The following PLCB4 variants were observed in gnomAD, a reference collection of about 807,000 sequenced individuals.
PLCB4 encodes the protein 1-phosphatidylinositol 4,5-bisphosphate phosphodiesterase beta-4.
A neutral mutation model predicts 178.8 loss-of-function variants in PLCB4; 77 were observed. That is an observed-to-expected ratio of 0.43 (90% CI 0.36 to 0.52). The LOEUF is 0.52. Among genes scored for constraint, PLCB4 ranks in the 20% least tolerant of loss-of-function variants. PLCB4 has a pLI of 0.00. For synonymous variants in PLCB4, 496 were observed against 490.8 expected (o/e 1.01, Z -0.14); for missense variants, 1,024 against 1,453.4 (o/e 0.70, Z 4.80).
At chr20:9,238,429 T>A (rs1321625424) in intron 3 of PLCB4, among the ~76,000 whole-genome samples, 1 of 152,116 alleles carries the variant, frequency 6.6e-6, no homozygotes, top group East Asian at 1.9e-4. Flanking sequence ...GGACACCTTA[T>A]CCATATGTGG....
At position 9,478,985 on chromosome 20, in the gene PLCB4, T is replaced by C; in HGVS notation, c.3597T>C (p.Ser1199=). ...ATGGACCGCAGACCAGCAACAGTAG[T>C]ATGAAACTCCAAAATGCAAACTGAA... ...SRDGPQTSNS[S]MKLQNAN Residue 1199 remains serine, a synonymous_variant, in exon 40 of 40, where the codon AGT becomes AGC. Coordinates refer to ENST00000378473, the MANE Select transcript of PLCB4 (RefSeq NM_001377142.1). 2 of 1,613,332 alleles carry C rather than the reference T, an allele frequency of 1.2e-6. No homozygotes were observed. The highest frequency in any genetic ancestry group is 1.7e-6 in the Non-Finnish European group (2 of 1,179,448).
chr20:9,252,477 T>C, intron 3 of PLCB4, among the ~76,000 whole-genome samples: 1 of 152,252 alleles, frequency 6.6e-6, no homozygotes, highest in East Asian at 1.9e-4. Flanking sequence ...TAGAAAATAC[T>C]GTTGCCTGCA....
chr20:9,430,676 C>T (rs944751928), intron 28 of PLCB4, among the ~76,000 whole-genome samples: 4 of 152,206 alleles, frequency 2.6e-5, no homozygotes, highest in Non-Finnish European at 4.4e-5. Context: ...CTACATAATC[C>T]GATAGCAGAT....
intron 9 of PLCB4, among the ~76,000 whole-genome samples, chr20:9,367,191 C>G (rs114037799): frequency 6.6e-6 from 1 of 152,192 alleles, no homozygotes; most frequent in Admixed American, 6.5e-5. Context: ...TAAACAATCA[C>G]GACCTAAAGT....
rs540606178 is a variant in PLCB4, at chr20:9,115,494, T to C, written c.-79+19152T>C. ...GCACAATGTGCAGGTTTGTTACATATGTATACATGTGCCATGTTGTTGTGC... is the reference window on the plus strand; with the variant it reads ...GCACAATGTGCAGGTTTGTTACATACGTATACATGTGCCATGTTGTTGTGC... On this transcript the variant is annotated intron_variant, in intron 2 of 39. Coordinates refer to ENST00000378473, the MANE Select transcript of PLCB4 (RefSeq NM_001377142.1). Among the ~76,000 whole-genome samples the C allele has an allele frequency of 4.6e-5, 7 of 151,604 alleles. No homozygotes were observed. In the East Asian group the frequency reaches 1.4e-3, roughly 30 times the overall value.
chr20:9,112,247 T>A, intron 2 of PLCB4, among the ~76,000 whole-genome samples: 1 of 151,266 alleles, frequency 6.6e-6, no homozygotes, highest in Non-Finnish European at 1.5e-5. Flanking sequence ...TTGAAACAAA[T>A]ACCCTACTCT....
intron 2 of PLCB4, among the ~76,000 whole-genome samples, chr20:9,169,755 T>C (rs2093033869): frequency 6.6e-6 from 1 of 152,108 alleles, no homozygotes; most frequent in Non-Finnish European, 1.5e-5. Context: ...ACAACATTGT[T>C]TGTGAAAATT....
At chr20:9,092,009 A>G (rs2090706848) in intron 1 of PLCB4, among the ~76,000 whole-genome samples, 1 of 152,114 alleles carries the variant, frequency 6.6e-6, no homozygotes, top group Non-Finnish European at 1.5e-5. Flanking sequence ...GTAGAATTTT[A>G]AGTTCCACAG....
chr20:9,124,873 G>A (rs1055478446), intron 2 of PLCB4, among the ~76,000 whole-genome samples: 9 of 152,100 alleles, frequency 5.9e-5, no homozygotes, highest in African/African-American at 2.2e-4. Flanking sequence ...CTTTGTAATT[G>A]ACAATTGTTT....
chr20:9,150,504 T>C (rs1190331555), intron 2 of PLCB4, among the ~76,000 whole-genome samples: 2 of 152,202 alleles, frequency 1.3e-5, no homozygotes, highest in Non-Finnish European at 2.9e-5. Flanking sequence ...CTTTATTCCT[T>C]AAGGTATTCA....
At chr20:9,390,047 C>A in intron 16 of PLCB4, 89 bp downstream of exon 16, 1 of 705,004 alleles carries the variant, frequency 1.4e-6, no homozygotes, top group South Asian at 1.8e-5. Context: ...TTTTAAATAG[C>A]TGAATAGTTT....
intron 28 of PLCB4, among the ~76,000 whole-genome samples, chr20:9,433,143 G>C (rs1464444779): frequency 6.6e-6 from 1 of 152,216 alleles, no homozygotes; most frequent in Non-Finnish European, 1.5e-5. Context: ...TATGAATGCA[G>C]AGATGGAGTT....
Position 9,459,691 on chromosome 20 carries a change from C to T in PLCB4, c.3129C>T (p.His1043=). ...TKEWSEMINT[H]SAEEQEIRDL... ...AATGGTCAGAAATGATCAATACCCACAGTGCTGAGGAGCAAGAAATCCGAG... is the reference window on the plus strand; with the variant it reads ...AATGGTCAGAAATGATCAATACCCATAGTGCTGAGGAGCAAGAAATCCGAG... Residue 1043 remains histidine (H), a synonymous_variant, in exon 35 of 40, where the codon CAC becomes CAT. Coordinates refer to ENST00000378473, the MANE Select transcript of PLCB4 (RefSeq NM_001377142.1). The T allele has an allele frequency of 6.2e-7, 1 of 1,612,908 alleles. No homozygotes were observed. The highest frequency in any genetic ancestry group is 1.1e-5 in the South Asian group (1 of 91,024).
intron 28 of PLCB4, among the ~76,000 whole-genome samples, chr20:9,428,531 C>T (rs2041183647): frequency 6.6e-6 from 1 of 152,072 alleles, no homozygotes; most frequent in African/African-American, 2.4e-5. Flanking sequence ...GTTGCCCAAG[C>T]ACCTACTGTA....
At chr20:9,308,963 C>T (rs2094800508) in intron 4 of PLCB4, among the ~76,000 whole-genome samples, 1 of 152,146 alleles carries the variant, frequency 6.6e-6, no homozygotes, top group Non-Finnish European at 1.5e-5. Flanking sequence ...GAGACAAGCA[C>T]TGTTAATTCT....
intron 12 of PLCB4, among the ~76,000 whole-genome samples, chr20:9,378,558 C>T (rs1256522081): frequency 6.6e-6 from 1 of 152,132 alleles, no homozygotes; most frequent in Non-Finnish European, 1.5e-5. Flanking sequence ...CCTTCACTTG[C>T]CTGGCATTCC....
chr20:9,229,017 A>G (rs1260839176), intron 3 of PLCB4, among the ~76,000 whole-genome samples: 1 of 152,228 alleles, frequency 6.6e-6, no homozygotes, highest in African/African-American at 2.4e-5. Context: ...TGAGGATAAC[A>G]TTCTCATCTG....
At chr20:9,175,232 G>A (rs942075374) in intron 2 of PLCB4, among the ~76,000 whole-genome samples, 2 of 152,092 alleles carry the variant, frequency 1.3e-5, no homozygotes, top group Non-Finnish European at 2.9e-5. Flanking sequence ...ATGATGAAGT[G>A]CAATCAAGTT....
Position 9,327,313 on chromosome 20 carries a change from A to G in PLCB4, c.85-9813A>G, listed in dbSNP as rs187252911. On this transcript the variant is annotated intron_variant, in intron 4 of 39. Transcript: ENST00000378473. ...TTTTTTTTAATTAGCCAGCCATGAT[A>G]GTGAATGCCTGTAGTCCTAGCTACT... 2.0e-5 allele frequency among the ~76,000 whole-genome samples: 3 copies of G among 151,496 alleles called. No homozygotes were observed. The East Asian group carries it at 5.8e-4, about 29-fold the overall frequency.
Sources: gnomAD v4.1 joint callset for allele counts (sites outside exome capture counted in the v4.1 genomes callset) on GRCh38, gnomAD v4.1.1 for gene constraint, MANE v1.5 for transcripts, NCBI Gene and HGNC (gene_info 2026-07-23, HGNC 2026-07-21) for gene names.